The following COL11A1 variants were observed in gnomAD, a reference collection of about 807,000 sequenced individuals.
COL11A1 encodes collagen type XI alpha 1 chain.
In COL11A1, 74 loss-of-function variants were observed where a neutral mutation model predicts 265.2. The ratio of observed to expected loss-of-function variants is 0.28; its 90% CI spans 0.23 to 0.34. The LOEUF (loss-of-function observed/expected upper bound fraction) is 0.34. COL11A1 is among the 10% of genes least tolerant of loss of function. The pLI is 1.00. For synonymous variants in COL11A1, 816 were observed against 727.6 expected, an observed-to-expected ratio of 1.12 and a Z score of -1.96; for missense variants, 2,165 against 2,263.6, an observed-to-expected ratio of 0.96 and a Z score of 0.88.
At position 102,980,527 on chromosome 1, in the gene COL11A1, G is replaced by A. The variant is rs147251246; in HGVS notation, c.2557-1092C>T. On this transcript the variant is annotated intron_variant, in intron 31 of 66. Coordinates refer to ENST00000370096, the MANE Select transcript of COL11A1 (RefSeq NM_001854.4). ...GGAGAGTTTTCCTGTTTAGATCACTGTATGGATTAAGTGCAATAATACGTA... is the reference window on the plus strand; with the variant it reads ...GGAGAGTTTTCCTGTTTAGATCACTATATGGATTAAGTGCAATAATACGTA... Among the ~76,000 whole-genome samples the A allele has an allele frequency of 1.4e-4, 21 of 152,176 alleles. No individual in the cohort carries two copies. In the East Asian group the frequency reaches 4.1e-3, roughly 29 times the overall value.
intron 4 of COL11A1, among the ~76,000 whole-genome samples, chr1:103,054,950 C>A (rs997448834): frequency 3.9e-5 from 6 of 152,108 alleles, no homozygotes; most frequent in African/African-American, 4.8e-5. Flanking sequence ...ACACTCAATA[C>A]TGCAACACAC....
intron 31 of COL11A1, 83 bp from the exon 32 acceptor site, chr1:102,979,518 G>A (rs1051487521): frequency 1.1e-6 from 1 of 898,170 alleles, no homozygotes; most frequent in African/African-American, 1.7e-5. Flanking sequence ...GGAACAGAGT[G>A]ATTTTCACAC....
rs1170684917 is a variant in COL11A1 at position 103,018,013 on chromosome 1, A to G, written c.1351-131T>C. ...CACTAGAGTTCTAAACAGTTGCCCT[A>G]TTTATCTTCCTGTGAAAAGACAACA... On this transcript the variant is annotated intron_variant, in intron 10 of 66. Coordinates refer to ENST00000370096, the MANE Select transcript of COL11A1 (RefSeq NM_001854.4). 5 of 803,382 alleles carry G rather than the reference A, an allele frequency of 6.2e-6. No individual in the cohort carries two copies. In the African/African-American group the frequency reaches 8.7e-5, roughly 14 times the overall value. 49.8% of individuals were successfully genotyped at this position (803,382 alleles called of 1,614,324 possible).
intron 1 of COL11A1, among the ~76,000 whole-genome samples, chr1:103,093,598 G>T (rs1162737752): frequency 1.3e-5 from 2 of 152,124 alleles, no homozygotes; most frequent in Non-Finnish European, 2.9e-5. Context: ...AGCCTTGAAG[G>T]GAAAAGATAA....
At position 103,017,840 on chromosome 1, in the gene COL11A1, G is replaced by C. The variant is rs1250694021; in HGVS notation, c.1393C>G (p.Pro465Ala). 1 of 1,613,120 alleles carries C rather than the reference G, an allele frequency of 6.2e-7. No homozygotes were observed. The highest frequency in any genetic ancestry group is 2.2e-5 in the East Asian group (1 of 44,834). Residue 465 changes from proline to alanine, a missense_variant, in exon 11 of 67, where the codon CCT (proline) becomes GCT (alanine). Physicochemically the swap from Pro to Ala is conservative, Grantham distance 27. Transcript: ENST00000370096. ...PPGLQGPTGP[P>A]GDPGDRGPPG... ...CTTACCCTATCGCCAGGGTCACCAG[G>C]GGGTCCAGTGGGGCCTTGTAGACCT... is the stretch of plus-strand genomic sequence containing the variant.
At chr1:103,081,306 G>C (rs1400901482) in intron 2 of COL11A1, among the ~76,000 whole-genome samples, 2 of 151,664 alleles carry the variant, frequency 1.3e-5, no homozygotes, top group African/African-American at 4.8e-5. Context: ...TTTTTAATTG[G>C]TATATTTTTC....
At chr1:102,932,941 A>G (rs993662696) in intron 46 of COL11A1, among the ~76,000 whole-genome samples, 4 of 147,978 alleles carry the variant, frequency 2.7e-5, no homozygotes, top group Non-Finnish European at 6.0e-5. Context: ...TTTCAGCTCC[A>G]TCAGCTCCTT....
chr1:102,976,315 T>TTTTG (rs1356670036), intron 35 of COL11A1, among the ~76,000 whole-genome samples: 1 of 106,124 alleles, frequency 9.4e-6, no homozygotes, highest in Non-Finnish European at 1.8e-5. Flanking sequence ...TTTTTTTTTT[T>TTTTG]TGAGACAGAG....
rs377662745 is a variant in COL11A1 at position 102,890,438 on chromosome 1, C to T, written c.4356+13G>A. On this transcript the variant is annotated intron_variant, in intron 58 of 66. Coordinates refer to ENST00000370096, the MANE Select transcript of COL11A1 (RefSeq NM_001854.4). Reference sequence around the variant, plus strand: ...CATATTCTTTTATTAATAACACATTCTTTTATTCTCACCTTTTCACCCTTG... The same window carrying T: ...CATATTCTTTTATTAATAACACATTTTTTTATTCTCACCTTTTCACCCTTG... 5.7e-5 allele frequency: 91 copies of T among 1,602,780 alleles called. No homozygotes were observed. The Admixed American group carries it at 1.1e-3, about 19-fold the overall frequency.
intron 46 of COL11A1, among the ~76,000 whole-genome samples, chr1:102,930,600 G>T (rs1007831770): frequency 6.6e-6 from 1 of 152,140 alleles, no homozygotes; most frequent in African/African-American, 2.4e-5. Context: ...AATGATGCTG[G>T]CCTCATAAAA....
intron 38 of COL11A1, among the ~76,000 whole-genome samples, chr1:102,964,949 T>C (rs1222106400): frequency 6.6e-6 from 1 of 152,206 alleles, no homozygotes; most frequent in Non-Finnish European, 1.5e-5. Flanking sequence ...TATCTTGAAA[T>C]AAATACTTGT....
Position 102,877,880 on chromosome 1 carries a change from T to C in COL11A1, c.*139A>G. On this transcript the variant is annotated 3_prime_UTR_variant, in exon 67 of 67. Coordinates refer to ENST00000370096, the MANE Select transcript of COL11A1 (RefSeq NM_001854.4). The stretch of plus-strand genomic sequence containing the variant: ...ATGTGATTCTGCCCCCACAAAGGCA[T>C]CGGTATTTCCTAAATGGTACCTGTA... 1.3e-6 allele frequency: 1 copy of C among 795,244 alleles called. No homozygotes were observed. Among genetic ancestry groups the C allele is most frequent in the Non-Finnish European group, 2.1e-6 (1 of 470,152 alleles). The allele number at this position is 795,244 out of a possible 1,614,324, so 49.3% of individuals were successfully genotyped here. A position where few individuals can be genotyped will look rare whatever the true frequency, so the allele number is the denominator to read the frequency against.
At position 103,016,806 on chromosome 1, in the gene COL11A1, T is replaced by C. The variant is rs371014573; in HGVS notation, c.1413+1014A>G. On this transcript the variant is annotated intron_variant, in intron 11 of 66. Coordinates refer to ENST00000370096, the MANE Select transcript of COL11A1 (RefSeq NM_001854.4). ...TAAAGTAAGTTCAAATAATGGCTTCTATAAAGAAATAATTTTTTAAAATCC... is the reference window on the plus strand; with the variant it reads ...TAAAGTAAGTTCAAATAATGGCTTCCATAAAGAAATAATTTTTTAAAATCC... Among the ~76,000 whole-genome samples the C allele has an allele frequency of 3.3e-5, 5 of 152,152 alleles. No individual in the cohort carries two copies. In the South Asian group the frequency reaches 6.2e-4, roughly 19 times the overall value.
At chr1:103,027,607 T>C (rs899309507) in intron 5 of COL11A1, among the ~76,000 whole-genome samples, 1 of 151,772 alleles carries the variant, frequency 6.6e-6, no homozygotes, top group African/African-American at 2.4e-5. Flanking sequence ...TGGATCTCTC[T>C]TTGCATTTTA....
chr1:102,998,278 G>T (rs775517688), intron 25 of COL11A1, 32 bp downstream of exon 25: 9 of 1,570,736 alleles, frequency 5.7e-6, no homozygotes, highest in Admixed American at 1.7e-5. Context: ...ATAATGTAAA[G>T]AAATTTTAAT....
intron 9 of COL11A1, among the ~76,000 whole-genome samples, chr1:103,021,367 A>G (rs761232693): frequency 3.9e-5 from 6 of 152,124 alleles, no homozygotes; most frequent in Non-Finnish European, 5.9e-5. Flanking sequence ...TAGGAAAGCT[A>G]AAAGTCCTAT....
At chr1:103,007,098 T>C (rs1665697393) in intron 15 of COL11A1, among the ~76,000 whole-genome samples, 1 of 152,150 alleles carries the variant, frequency 6.6e-6, no homozygotes, top group African/African-American at 2.4e-5. Flanking sequence ...CCCATTTAGA[T>C]TGTGAACTGC....
intron 54 of COL11A1, among the ~76,000 whole-genome samples, chr1:102,909,116 G>A (rs938783963): frequency 6.6e-6 from 1 of 152,148 alleles, no homozygotes; most frequent in African/African-American, 2.4e-5. Context: ...AATAGGAGGT[G>A]TCTGAGTCAT....
At chr1:103,037,019 C>A (rs1047148028) in intron 4 of COL11A1, among the ~76,000 whole-genome samples, 5 of 143,024 alleles carry the variant, frequency 3.5e-5, no homozygotes, top group African/African-American at 1.3e-4. Flanking sequence ...AAAAGGATCT[C>A]ACTATTTTTT....
Sources: gnomAD v4.1 joint callset for allele counts (sites outside exome capture counted in the v4.1 genomes callset) on GRCh38, gnomAD v4.1.1 for gene constraint, MANE v1.5 for transcripts, NCBI Gene and HGNC (gene_info 2026-07-23, HGNC 2026-07-21) for gene names.